The following CHCHD6 variants were observed in gnomAD, a reference collection of about 807,000 sequenced individuals.
CHCHD6 encodes MICOS complex subunit MIC25.
A neutral mutation model predicts 32.3 loss-of-function variants in CHCHD6; 28 were observed. That is an observed-to-expected ratio of 0.87 (90% CI 0.64 to 1.19). The LOEUF (loss-of-function observed/expected upper bound fraction) is 1.19. Among genes scored for constraint, CHCHD6 ranks in the 50% most tolerant of loss-of-function variants. CHCHD6 has a pLI of 0.00. For synonymous variants in CHCHD6, 122 were observed against 117.5 expected, an observed-to-expected ratio of 1.04 and a Z score of -0.25; for missense variants, 333 against 307.0, an observed-to-expected ratio of 1.08 and a Z score of -0.63.
chr3:126,957,748 G>T (rs755506279), intron 7 of CHCHD6, 197 bp downstream of exon 7: 2 of 679,946 alleles, frequency 2.9e-6, no homozygotes, highest in Non-Finnish European at 5.1e-6. Context: ...TTCCAGGAGC[G>T]CCTTGGACAT....
At chr3:126,792,943 G>T (rs924202585) in intron 4 of CHCHD6, among the ~76,000 whole-genome samples, 14 of 152,256 alleles carry the variant, frequency 9.2e-5, no homozygotes, top group Admixed American at 2.0e-4. Context: ...TACGCATTAA[G>T]ATTGTTATGT....
At chr3:126,879,326 T>C (rs73205631) in intron 5 of CHCHD6, among the ~76,000 whole-genome samples, 5,422 of 152,272 alleles carry the variant, frequency 0.036, 124 homozygotes, top group African/African-American at 0.063. Flanking sequence ...CTGTGGCCAT[T>C]GCTGGAAAAT....
chr3:126,889,890 T>A (rs2077732354), intron 5 of CHCHD6, among the ~76,000 whole-genome samples: 1 of 152,180 alleles, frequency 6.6e-6, no homozygotes, highest in Non-Finnish European at 1.5e-5. Flanking sequence ...GATGTGAGGG[T>A]GGCCCCTGCT....
In CHCHD6 at chr3:126,879,138, A is replaced by C. The variant is rs116900258; in HGVS notation, c.495+26408A>C. On this transcript the variant is annotated intron_variant, in intron 5 of 7. Coordinates refer to ENST00000290913, the MANE Select transcript of CHCHD6 (RefSeq NM_032343.3). ...CATGTAGGAGCACAAGGTGTTTTGC[A>C]GTCTAGCCTTGTTGATTGCATAATG... Among the ~76,000 whole-genome samples the C allele has an allele frequency of 5.5e-3, 835 of 152,296 alleles. 27 individuals are homozygous for C. In the East Asian group the frequency reaches 0.08, roughly 15 times the overall value.
intron 4 of CHCHD6, among the ~76,000 whole-genome samples, chr3:126,757,277 T>G (rs187138113): frequency 1.3e-5 from 2 of 152,308 alleles, no homozygotes; most frequent in East Asian, 3.9e-4. Flanking sequence ...ATTCAAAGTC[T>G]GAAACACTTT....
At chr3:126,828,719 C>T (rs1037893383) in intron 4 of CHCHD6, among the ~76,000 whole-genome samples, 1 of 152,132 alleles carries the variant, frequency 6.6e-6, no homozygotes, top group African/African-American at 2.4e-5. Context: ...GTGTTTATTC[C>T]AGTACCCCTT....
chr3:126,862,167 C>T (rs1576511773), intron 5 of CHCHD6, among the ~76,000 whole-genome samples: 1 of 96,016 alleles, frequency 1.0e-5, no homozygotes. Flanking sequence ...CCTCCTCCAC[C>T]ATCACCACCT....
chr3:126,945,742 CG>C (rs1230564400), intron 6 of CHCHD6, among the ~76,000 whole-genome samples: 3 of 33,142 alleles, frequency 9.1e-5, no homozygotes, highest in African/African-American at 2.7e-4. Flanking sequence ...TGGGGAGACT[CG>C]GGGGGAGACT....
chr3:126,753,166 G>A lies in CHCHD6; in HGVS notation c.411+19944G>A, dbSNP rs556092128. On this transcript the variant is annotated intron_variant, in intron 4 of 7. Coordinates refer to ENST00000290913, the MANE Select transcript of CHCHD6 (RefSeq NM_032343.3). Reference sequence around the variant, plus strand: ...CTTGGGGGCGGATGGACTGTCACACGATTTTGGCAGCCAAGGGGATTTTTT... The same window carrying A: ...CTTGGGGGCGGATGGACTGTCACACAATTTTGGCAGCCAAGGGGATTTTTT... Among the ~76,000 whole-genome samples, 9 of 152,214 alleles carry A rather than the reference G, an allele frequency of 5.9e-5. No individual in the cohort carries two copies. In the South Asian group the frequency reaches 1.2e-3, roughly 21 times the overall value.
chr3:126,809,575 G>A (rs987161432), intron 4 of CHCHD6, among the ~76,000 whole-genome samples: 1 of 152,218 alleles, frequency 6.6e-6, no homozygotes, highest in African/African-American at 2.4e-5. Context: ...AACCAAGAGA[G>A]ATGTCTGTGT....
chr3:126,781,966 C>T (rs116466282), intron 4 of CHCHD6, among the ~76,000 whole-genome samples: 1,828 of 152,032 alleles, frequency 0.012, 18 homozygotes, highest in Middle Eastern at 0.048. Flanking sequence ...GAGTGTCACA[C>T]GAGAAATGAG....
At chr3:126,767,661 C>T (rs977405536) in intron 4 of CHCHD6, among the ~76,000 whole-genome samples, 4 of 152,142 alleles carry the variant, frequency 2.6e-5, no homozygotes, top group African/African-American at 7.2e-5. Flanking sequence ...CTGCATGTCA[C>T]AGGGGTTTGG....
At chr3:126,847,695 T>C (rs966195410) in intron 4 of CHCHD6, among the ~76,000 whole-genome samples, 1 of 152,110 alleles carries the variant, frequency 6.6e-6, no homozygotes, top group African/African-American at 2.4e-5. Flanking sequence ...CTTACACTTA[T>C]TTCTATAATT....
intron 4 of CHCHD6, among the ~76,000 whole-genome samples, chr3:126,838,117 A>G (rs1254095469): frequency 6.6e-6 from 1 of 152,164 alleles, no homozygotes; most frequent in Admixed American, 6.5e-5. Context: ...GAATGAGACT[A>G]ATTTTCATGA....
At chr3:126,846,997 G>T (rs1478666283) in intron 4 of CHCHD6, among the ~76,000 whole-genome samples, 2 of 152,198 alleles carry the variant, frequency 1.3e-5, no homozygotes, top group East Asian at 3.8e-4. Flanking sequence ...CTTCTAAGTA[G>T]CAAGTCGTTA....
chr3:126,936,546 A>T (rs963490335), intron 6 of CHCHD6, among the ~76,000 whole-genome samples: 2 of 152,160 alleles, frequency 1.3e-5, no homozygotes, highest in African/African-American at 4.8e-5. Flanking sequence ...TATTAAAATT[A>T]ATTGTAACTG....
chr3:126,711,907 C>A (rs1157493789), intron 1 of CHCHD6, among the ~76,000 whole-genome samples: 7 of 152,150 alleles, frequency 4.6e-5, no homozygotes, highest in African/African-American at 1.7e-4. Context: ...CACTGTGTGC[C>A]GGTTTCTGGG....
At chr3:126,726,887 C>T (rs1453919391) in intron 1 of CHCHD6, among the ~76,000 whole-genome samples, 191 bp from the exon 2 acceptor site, 2 of 152,114 alleles carry the variant, frequency 1.3e-5, no homozygotes, top group Admixed American at 1.3e-4. Flanking sequence ...CTTGGGAATC[C>T]GGATGGGCTC....
chr3:126,831,687 C>T lies in CHCHD6; in HGVS notation c.412-20960C>T, dbSNP rs1311146045. Among the ~76,000 whole-genome samples, 9 of 152,158 alleles carry T rather than the reference C, an allele frequency of 5.9e-5. No homozygotes were observed. The East Asian group carries it at 1.7e-3, about 29-fold the overall frequency. ...TGTGTCCCCCAGGCTGGGAAACAGGCTCATACTCAATATGTGTGCTTCAGA... is the reference window on the plus strand; with the variant it reads ...TGTGTCCCCCAGGCTGGGAAACAGGTTCATACTCAATATGTGTGCTTCAGA... On this transcript the variant is annotated intron_variant, in intron 4 of 7. Coordinates refer to ENST00000290913, the MANE Select transcript of CHCHD6 (RefSeq NM_032343.3).
Sources: gnomAD v4.1 joint callset for allele counts (sites outside exome capture counted in the v4.1 genomes callset) on GRCh38, gnomAD v4.1.1 for gene constraint, MANE v1.5 for transcripts, NCBI Gene and HGNC (gene_info 2026-07-23, HGNC 2026-07-21) for gene names.